Variants in PAH observed in about 807,000 individuals in gnomAD.
PAH encodes the protein phenylalanine hydroxylase, also known as phenylalanine-4-hydroxylase.
Under a neutral mutation model 62.0 loss-of-function variants are expected in PAH, and 64 were observed. The ratio of observed to expected loss-of-function variants is 1.03; its 90% CI spans 0.84 to 1.27. PAH has a LOEUF of 1.27. Ranked by LOEUF, PAH falls within the 50% of genes most tolerant of loss-of-function variation. The probability of loss-of-function intolerance (pLI) is 0.00; values close to 1 mark genes in which losing one functional copy is unlikely to be tolerated. For synonymous variants in PAH, 195 were observed against 196.2 expected (o/e 0.99, Z 0.05); for missense variants, 579 against 542.8 (o/e 1.07, Z -0.66).
chr12:102,845,686 A>G (rs1470839079), intron 9 of PAH, among the ~76,000 whole-genome samples: 1 of 152,100 alleles, frequency 6.6e-6, no homozygotes, highest in Non-Finnish European at 1.5e-5. Context: ...ATTGGACTAG[A>G]AAATGTTAAA....
intron 1 of PAH, among the ~76,000 whole-genome samples, chr12:102,931,021 A>G (rs1416446581): frequency 2.6e-5 from 4 of 152,176 alleles, no homozygotes; most frequent in Non-Finnish European, 5.9e-5. Context: ...AAATTATGAG[A>G]TAATCAGTGT....
At chr12:102,924,799 C>T (rs1471680592) in intron 1 of PAH, among the ~76,000 whole-genome samples, 2 of 152,136 alleles carry the variant, frequency 1.3e-5, no homozygotes, top group Non-Finnish European at 2.9e-5. Flanking sequence ...CTCTGCATTA[C>T]CCATGGACTT....
upstream of PAH, among the ~76,000 whole-genome samples, chr12:102,951,722 G>T (rs1048170173): frequency 2.6e-5 from 4 of 152,128 alleles, no homozygotes; most frequent in African/African-American, 7.2e-5. Context: ...GTTCTATTCA[G>T]AAAACAGTTT....
chr12:102,876,113 T>C (rs1876555407), intron 4 of PAH, among the ~76,000 whole-genome samples: 1 of 152,254 alleles, frequency 6.6e-6, no homozygotes, highest in Admixed American at 6.5e-5. Context: ...ATATGCTTTC[T>C]CATTATTTGA....
intron 11 of PAH, among the ~76,000 whole-genome samples, chr12:102,841,216 C>T (rs533971564): frequency 2.0e-5 from 3 of 152,262 alleles, no homozygotes; most frequent in East Asian, 3.9e-4. Context: ...TGCTTTCCTG[C>T]CTTCCCAGTG....
intron 4 of PAH, among the ~76,000 whole-genome samples, chr12:102,875,655 A>G (rs2136676682): frequency 6.6e-6 from 1 of 152,318 alleles, no homozygotes; most frequent in East Asian, 1.9e-4. Flanking sequence ...AATGGGGGTC[A>G]AAAGTCCCCA....
intron 4 of PAH, among the ~76,000 whole-genome samples, chr12:102,872,592 G>C (rs1246257773): frequency 1.3e-5 from 2 of 152,148 alleles, no homozygotes; most frequent in African/African-American, 4.8e-5. Context: ...GAAAAATATA[G>C]TCTTGTTATT....
chr12:102,918,421 C>T (rs898025204), upstream of PAH, among the ~76,000 whole-genome samples: 2 of 151,770 alleles, frequency 1.3e-5, no homozygotes, highest in East Asian at 3.9e-4. Flanking sequence ...CCCTCTCCTC[C>T]CACTGTTCTT....
intron 5 of PAH, among the ~76,000 whole-genome samples, chr12:102,857,412 C>G (rs974108878): frequency 3.3e-5 from 5 of 152,208 alleles, no homozygotes; most frequent in Admixed American, 1.3e-4. Flanking sequence ...GGATACTATC[C>G]AGGAGAACTT....
At chr12:102,878,866 CG>C (rs1211630032) in intron 3 of PAH, among the ~76,000 whole-genome samples, 2 of 151,968 alleles carry the variant, frequency 1.3e-5, no homozygotes, top group African/African-American at 2.4e-5. Flanking sequence ...CCCTCTTGCG[CG>C]GGTAAGAAAC....
chr12:102,851,798 T>A (rs765660781), intron 7 of PAH, 42 bp from the exon 8 acceptor site: 1 of 1,508,294 alleles, frequency 6.6e-7, no homozygotes, highest in East Asian at 2.3e-5. Flanking sequence ...GGGAGGAGGT[T>A]TAAGCCAAGC....
chr12:102,889,349 T>C (rs1877173701), intron 3 of PAH, among the ~76,000 whole-genome samples: 1 of 152,170 alleles, frequency 6.6e-6, no homozygotes, highest in Non-Finnish European at 1.5e-5. Flanking sequence ...AAGGAATGAC[T>C]ATAATGATGT....
chr12:102,911,358 C>A (rs990956819), intron 2 of PAH, among the ~76,000 whole-genome samples: 1 of 152,126 alleles, frequency 6.6e-6, no homozygotes, highest in Non-Finnish European at 1.5e-5. Context: ...CTATGAAGCC[C>A]GTTCTGTCTG....
upstream of PAH, among the ~76,000 whole-genome samples, chr12:102,954,457 C>T (rs1384183374): frequency 6.6e-6 from 1 of 152,082 alleles, no homozygotes; most frequent in African/African-American, 2.4e-5. Flanking sequence ...CTCTTTAGAC[C>T]TGGGCTAGAG....
In PAH at chr12:102,852,824, G is replaced by T. The variant is rs62507262; in HGVS notation, c.833C>A (p.Thr278Asn). Residue 278 changes from threonine (T) to asparagine (N), a missense_variant, in exon 7 of 13, where the codon ACC becomes AAC. Thr to Asn is a moderately conservative substitution (Grantham distance 65). Transcript: ENST00000553106. ...GGAGGACAGTACTCACGGTTCGGGG[G>T]TATACATGGGCTTGGATCCATGTCT... Reference protein sequence around the residue: ...YIRHGSKPMYTPEPDICHELL... With the variant: ...YIRHGSKPMYNPEPDICHELL... 1.4e-5 allele frequency: 22 copies of T among 1,614,064 alleles called. No homozygotes were observed. Among genetic ancestry groups the T allele is most frequent in the Non-Finnish European group, 1.9e-5 (22 of 1,179,946 alleles).
At chr12:102,918,877 C>T (rs1171900085), upstream of PAH, among the ~76,000 whole-genome samples, 1 of 152,168 alleles carries the variant, frequency 6.6e-6, no homozygotes, top group African/African-American at 2.4e-5. Flanking sequence ...TATTCCTCAG[C>T]CTCAGGATTT....
chr12:102,950,089 T>C (rs1879679993), intron 1 of PAH: 1 of 152,250 alleles, frequency 6.6e-6, no homozygotes, highest in Non-Finnish European at 1.5e-5. Flanking sequence ...ATATCCAGTG[T>C]TTACTATGTG....
intron 3 of PAH, among the ~76,000 whole-genome samples, chr12:102,884,533 T>C (rs1426149188): frequency 6.6e-6 from 1 of 152,148 alleles, no homozygotes; most frequent in East Asian, 1.9e-4. Flanking sequence ...ACTTAATTCC[T>C]GCGTCTCTGG....
intron 1 of PAH, among the ~76,000 whole-genome samples, chr12:102,947,722 G>T (rs1879559028): frequency 6.6e-6 from 1 of 152,202 alleles, no homozygotes; most frequent in African/African-American, 2.4e-5. Flanking sequence ...TAGCAAAATA[G>T]AGTCGGGGTG....
Sources: allele counts gnomAD v4.1 joint callset (sites outside exome capture counted in the v4.1 genomes callset), GRCh38; gene constraint gnomAD v4.1.1; transcripts MANE v1.5; gene names NCBI Gene and HGNC (gene_info 2026-07-23, HGNC 2026-07-21).